The following TMEM106B variants were observed in gnomAD, a reference collection of about 807,000 sequenced individuals.
The protein encoded by TMEM106B is transmembrane protein 106B.
A neutral mutation model predicts 31.1 loss-of-function variants in TMEM106B; 15 were observed. The observed-to-expected ratio is 0.48, with a 90% CI of 0.32 to 0.74. The LOEUF (loss-of-function observed/expected upper bound fraction) is 0.74. Among genes scored for constraint, TMEM106B ranks in the 30% least tolerant of loss-of-function variants. TMEM106B has a pLI of 0.03. For synonymous variants in TMEM106B, 126 were observed against 112.5 expected (o/e 1.12, Z -0.76); for missense variants, 283 against 327.3 (o/e 0.86, Z 1.04).
rs910493786 is a variant in TMEM106B at position 12,232,272 on chromosome 7, A to G, written c.*297A>G. On this transcript the variant is annotated 3_prime_UTR_variant, in exon 8 of 8. Transcript: ENST00000396668. ...CCTATAGTACAATAAATAATTATTTAAAAGTCATAGCTCCAGTCACTACTG... is the reference window on the plus strand; with the variant it reads ...CCTATAGTACAATAAATAATTATTTGAAAGTCATAGCTCCAGTCACTACTG... 46 of 187,970 alleles carry G rather than the reference A, an allele frequency of 2.4e-4. No homozygotes were observed. The highest frequency in any genetic ancestry group is 1.0e-3 in the African/African-American group (44 of 42,976). 11.6% of individuals were successfully genotyped at this position (187,970 alleles called of 1,614,324 possible).
intron 1 of TMEM106B, among the ~76,000 whole-genome samples, chr7:12,212,179 C>T (rs1052672432): frequency 2.6e-5 from 4 of 152,184 alleles, no homozygotes; most frequent in East Asian, 3.9e-4. Context: ...AAAACAGGCT[C>T]AAACGGAGAG....
rs571442084 is a variant in TMEM106B at position 12,217,970 on chromosome 7, G to C, written c.218-488G>C. On this transcript the variant is annotated intron_variant, in intron 2 of 7. Coordinates refer to ENST00000396668, the MANE Select transcript of TMEM106B (RefSeq NM_001134232.2). ...AGGGCCCTGGAAGGCTCATTATGTA[G>C]GGGGCTCTTAAAGCTTGAGACTTCT... is the stretch of plus-strand genomic sequence containing the variant. 3.3e-5 allele frequency among the ~76,000 whole-genome samples: 5 copies of C among 152,236 alleles called. No homozygotes were observed. In the East Asian group the frequency reaches 9.7e-4, roughly 29 times the overall value.
intron 1 of TMEM106B, among the ~76,000 whole-genome samples, chr7:12,212,141 G>A (rs559025256): frequency 1.5e-4 from 23 of 152,282 alleles, no homozygotes; most frequent in Admixed American, 3.3e-4. Flanking sequence ...AAGCAGAATC[G>A]ATCATGGCAG....
At position 12,233,394 on chromosome 7, in the gene TMEM106B, C is replaced by T. The variant is rs970042783; in HGVS notation, c.*1419C>T. The T allele has an allele frequency of 1.1e-4, 16 of 151,658 alleles. No homozygotes were observed. Among genetic ancestry groups the T allele is most frequent in the African/African-American group, 3.4e-4 (14 of 41,488 alleles). 9.4% of individuals were successfully genotyped at this position (151,658 alleles called of 1,614,324 possible). A position where few individuals can be genotyped will look rare whatever the true frequency, so the allele number is the denominator to read the frequency against. ...AAATCAGGTTTCCCTTTCCCCACCC[C>T]TAAGTGCCTAACTTAGGTCTGAAAC... On this transcript the variant is annotated 3_prime_UTR_variant, in exon 8 of 8. Coordinates refer to ENST00000396668, the MANE Select transcript of TMEM106B (RefSeq NM_001134232.2).
rs560576030 is a variant in TMEM106B, at chr7:12,223,999, G to A, written c.282-227G>A. On this transcript the variant is annotated intron_variant, in intron 3 of 7. Coordinates refer to ENST00000396668, the MANE Select transcript of TMEM106B (RefSeq NM_001134232.2). Reference sequence around the variant, plus strand: ...CTCTCAAAGTGCTGGGATTACAGGCGTGAGCCACCGCATCCCGCCGATTTC... The same window carrying A: ...CTCTCAAAGTGCTGGGATTACAGGCATGAGCCACCGCATCCCGCCGATTTC... Among the ~76,000 whole-genome samples, 18 of 152,230 alleles carry A rather than the reference G, an allele frequency of 1.2e-4. No homozygotes were observed. The East Asian group carries it at 3.3e-3, about 28-fold the overall frequency.
chr7:12,225,778 A>G (rs1415242616), intron 4 of TMEM106B, among the ~76,000 whole-genome samples: 1 of 152,092 alleles, frequency 6.6e-6, no homozygotes, highest in Admixed American at 6.6e-5. Flanking sequence ...ATGGGTAGAT[A>G]GCAAAAATTT....
chr7:12,212,294 AG>A (rs1453942539), intron 1 of TMEM106B, among the ~76,000 whole-genome samples: 26 of 152,222 alleles, frequency 1.7e-4, no homozygotes, highest in African/African-American at 6.0e-4. Context: ...AGTGCCCTTA[AG>A]GCCTTGCTGA....
chr7:12,230,940 T>C, intron 6 of TMEM106B, 122 bp from the exon 7 acceptor site: 1 of 520,162 alleles, frequency 1.9e-6, no homozygotes, highest in Non-Finnish European at 3.0e-6. Flanking sequence ...GTATAGAAAA[T>C]TCTCAACCAA....
chr7:12,230,933 T>C, intron 6 of TMEM106B, 129 bp from the exon 7 acceptor site: 3 of 545,454 alleles, frequency 5.5e-6, no homozygotes, highest in South Asian at 2.9e-5. Flanking sequence ...GTTTGAAGTA[T>C]AGAAAATTCT....
Position 12,233,235 on chromosome 7 carries a change from A to ATTTGTTTTTTT in TMEM106B, c.*1263_*1264insGTTTTTTTTTT, listed in dbSNP as rs1554310865. On this transcript the variant is annotated 3_prime_UTR_variant, in exon 8 of 8. Coordinates refer to ENST00000396668, the MANE Select transcript of TMEM106B (RefSeq NM_001134232.2). ...TTTTATATTTTCAGTATCATTTTTC[A>ATTTGTTTTTTT]TTTTTTTTTTTTTTTGTCTTTTCAC... The ATTTGTTTTTTT allele has an allele frequency of 3.4e-5, 3 of 87,212 alleles. No individual in the cohort carries two copies. Among genetic ancestry groups the ATTTGTTTTTTT allele is most frequent in the Non-Finnish European group, 4.4e-5 (2 of 45,562 alleles). 5.4% of individuals were successfully genotyped at this position (87,212 alleles called of 1,614,324 possible). A position where few individuals can be genotyped will look rare whatever the true frequency, so the allele number is the denominator to read the frequency against.
intron 2 of TMEM106B, among the ~76,000 whole-genome samples, chr7:12,216,671 T>A (rs1195081429): frequency 6.6e-6 from 1 of 152,076 alleles, no homozygotes; most frequent in Non-Finnish European, 1.5e-5. Flanking sequence ...GTGAAAGAAT[T>A]AACAAAGGAC....
rs1404375235 is a variant in TMEM106B at position 12,239,408 on chromosome 7, A to G, written c.*7433A>G. The G allele has an allele frequency of 1.3e-5, 2 of 152,102 alleles. No homozygotes were observed. Among genetic ancestry groups the G allele is most frequent in the Admixed American group, 6.6e-5 (1 of 15,254 alleles). 9.4% of individuals were successfully genotyped at this position (152,102 alleles called of 1,614,324 possible). On this transcript the variant is annotated 3_prime_UTR_variant, in exon 8 of 8. Transcript: ENST00000396668. The stretch of plus-strand genomic sequence containing the variant: ...AGGCTGTTTGATTTTCTTATCATTC[A>G]TGTTTTCTGGAACACTTTTCAATTA...
chr7:12,224,024 C>A (rs1781844792), intron 3 of TMEM106B, among the ~76,000 whole-genome samples: 1 of 152,134 alleles, frequency 6.6e-6, no homozygotes, highest in African/African-American at 2.4e-5. Flanking sequence ...CCGCCGATTT[C>A]ATCTTTTAAA....
rs1254662717 is a variant in TMEM106B, at chr7:12,232,193, A to G, written c.*218A>G. On this transcript the variant is annotated 3_prime_UTR_variant, in exon 8 of 8. Coordinates refer to ENST00000396668, the MANE Select transcript of TMEM106B (RefSeq NM_001134232.2). ...GGATCTTTTACTTGAATCTAAATTT[A>G]CTGGTTGATTTCCTTCTCCAGCCTA... is the stretch of plus-strand genomic sequence containing the variant. 1 of 354,858 alleles carries G rather than the reference A, an allele frequency of 2.8e-6. No homozygotes were observed. Among genetic ancestry groups the G allele is most frequent in the Non-Finnish European group, 5.1e-6 (1 of 196,562 alleles). 22.0% of individuals were successfully genotyped at this position (354,858 alleles called of 1,614,324 possible).
At chr7:12,226,919 A>C (rs895704974) in intron 4 of TMEM106B, among the ~76,000 whole-genome samples, 1 of 108,802 alleles carries the variant, frequency 9.2e-6, no homozygotes, top group Non-Finnish European at 1.8e-5. Flanking sequence ...TTTTTTATAC[A>C]CTGTTTAAAA....
intron 3 of TMEM106B, among the ~76,000 whole-genome samples, chr7:12,222,727 T>G (rs1175049652): frequency 2.0e-5 from 3 of 152,226 alleles, no homozygotes; most frequent in African/African-American, 4.8e-5. Flanking sequence ...CTGTTTTGAT[T>G]GCTCAAGACA....
chr7:12,231,207 G>C, intron 7 of TMEM106B, 92 bp downstream of exon 7: 1 of 924,866 alleles, frequency 1.1e-6, no homozygotes, highest in Non-Finnish European at 1.7e-6. Context: ...CTTTATAAAT[G>C]CCACCTCAGT....
rs568303589 is a variant in TMEM106B at position 12,237,134 on chromosome 7, A to T, written c.*5159A>T. On this transcript the variant is annotated 3_prime_UTR_variant, in exon 8 of 8. Coordinates refer to ENST00000396668, the MANE Select transcript of TMEM106B (RefSeq NM_001134232.2). ...TAACAAAACATGCTTATAATAGCAA[A>T]CAAATAGAAATGCCCCCAAAATGCT... is the stretch of plus-strand genomic sequence containing the variant. 1 of 152,082 alleles carries T rather than the reference A, an allele frequency of 6.6e-6. No individual in the cohort carries two copies. The highest frequency in any genetic ancestry group is 2.1e-4 in the South Asian group (1 of 4,824). The allele number at this position is 152,082 out of a possible 1,614,324, so 9.4% of individuals were successfully genotyped here.
In TMEM106B at chr7:12,241,454, A is replaced by G. The variant is rs1174288906; in HGVS notation, c.*9479A>G. Reference sequence around the variant, plus strand: ...GTGTGATGTTCCCCTCCCTGTGTCCATCTGTTCTCATTGTTCAACTCCCAC... The same window carrying G: ...GTGTGATGTTCCCCTCCCTGTGTCCGTCTGTTCTCATTGTTCAACTCCCAC... On this transcript the variant is annotated 3_prime_UTR_variant, in exon 8 of 8. Transcript: ENST00000396668. 2.0e-5 allele frequency: 3 copies of G among 146,892 alleles called. No individual in the cohort carries two copies. The highest frequency in any genetic ancestry group is 4.4e-5 in the Non-Finnish European group (3 of 67,602). 9.1% of individuals were successfully genotyped at this position (146,892 alleles called of 1,614,324 possible).
Sources: gnomAD v4.1 joint callset for allele counts (sites outside exome capture counted in the v4.1 genomes callset) on GRCh38, gnomAD v4.1.1 for gene constraint, MANE v1.5 for transcripts, NCBI Gene and HGNC (gene_info 2026-07-23, HGNC 2026-07-21) for gene names.